ABCB1: variants seen among roughly 807,000 people sequenced by gnomAD.
ABCB1 encodes ATP-dependent translocase ABCB1.
Under a neutral mutation model 142.0 loss-of-function variants are expected in ABCB1, and 69 were observed. That is an observed-to-expected ratio of 0.49 (90% CI 0.40 to 0.59). ABCB1 has a LOEUF of 0.59. Among genes scored for constraint, ABCB1 ranks in the 20% least tolerant of loss-of-function variants. ABCB1 has a pLI of 0.00. For synonymous variants in ABCB1, 532 were observed against 539.2 expected (o/e 0.99, Z 0.18); for missense variants, 1,326 against 1,554.7 (o/e 0.85, Z 2.47).
At chr7:87,617,541 A>T (rs1820070330) in intron 1 of ABCB1, among the ~76,000 whole-genome samples, 3 of 152,246 alleles carry the variant, frequency 2.0e-5, no homozygotes, top group Admixed American at 2.0e-4. Flanking sequence ...GGCTCAGTAC[A>T]TGAGATTGCA....
chr7:87,531,884 C>T (rs1446010535), intron 20 of ABCB1, among the ~76,000 whole-genome samples: 4 of 151,972 alleles, frequency 2.6e-5, no homozygotes, highest in African/African-American at 7.3e-5. Context: ...TTAAGCCTAA[C>T]GTTTGTCATT....
chr7:87,555,527 AG>A (rs1278756896), intron 8 of ABCB1, among the ~76,000 whole-genome samples: 3 of 152,236 alleles, frequency 2.0e-5, no homozygotes, highest in African/African-American at 7.2e-5. Flanking sequence ...GGTACATTAC[AG>A]AGTTACAAAA....
chr7:87,660,746 T>G (rs1824619591), intron 1 of ABCB1, among the ~76,000 whole-genome samples: 1 of 152,018 alleles, frequency 6.6e-6, no homozygotes, highest in African/African-American at 2.4e-5. Flanking sequence ...GCTAAATTTA[T>G]GTTTGAGTAA....
rs1275479933 is a variant in ABCB1 at position 87,550,246 on chromosome 7, C to T, written c.1275G>A (p.Leu425=). 2 of 1,614,082 alleles carry T rather than the reference C, an allele frequency of 1.2e-6. No individual in the cohort carries two copies. Among genetic ancestry groups the T allele is most frequent in the African/African-American group, 1.3e-5 (1 of 74,914 alleles). The change falls in exon 12 of 28, where the codon CTG becomes CTA. Residue 425 remains leucine (L), a synonymous_variant. Transcript: ENST00000622132. ...TCTTCCCACAGCCACTGTTTCCAAC[C>T]AGGGCCACCGTCTGCCCACTCTGCA... The part of the protein sequence containing the change: ...LKVQSGQTVA[L]VGNSGCGKST...
chr7:87,530,499 A>G (rs1388607994), intron 21 of ABCB1, among the ~76,000 whole-genome samples: 5 of 152,148 alleles, frequency 3.3e-5, no homozygotes, highest in African/African-American at 1.2e-4. Context: ...GCTATAAGGA[A>G]TAAGACATTT....
At chr7:87,685,499 T>A (rs1404627376) in intron 1 of ABCB1, among the ~76,000 whole-genome samples, 1 of 149,508 alleles carries the variant, frequency 6.7e-6, no homozygotes, top group Non-Finnish European at 1.5e-5. Context: ...ACAAACTCAG[T>A]AATAAAAAGG....
intron 9 of ABCB1, among the ~76,000 whole-genome samples, chr7:87,551,650 C>T (rs28381894): frequency 0.017 from 2,349 of 140,904 alleles, 27 homozygotes; most frequent in Non-Finnish European, 0.028. Context: ...GCCACCATAT[C>T]TGGCTAATTA....
chr7:87,589,866 G>A (rs1304135468), intron 3 of ABCB1, among the ~76,000 whole-genome samples: 4 of 151,528 alleles, frequency 2.6e-5, no homozygotes, highest in Admixed American at 2.6e-4. Context: ...GAGAGAGAGA[G>A]AGAGAAAGAA....
At chr7:87,615,597 G>A (rs1820008147) in intron 1 of ABCB1, among the ~76,000 whole-genome samples, 1 of 152,206 alleles carries the variant, frequency 6.6e-6, no homozygotes, top group Non-Finnish European at 1.5e-5. Context: ...TGATCCAGGT[G>A]AGCCCAGGGG....
intron 1 of ABCB1, among the ~76,000 whole-genome samples, chr7:87,646,840 T>C (rs1823052594): frequency 6.6e-6 from 1 of 152,188 alleles, no homozygotes; most frequent in Non-Finnish European, 1.5e-5. Context: ...ATCTTTTTGT[T>C]TCTATCCATT....
rs551064822 is a variant in ABCB1 at position 87,579,711 on chromosome 7, T to C, written c.286+5801A>G. Among the ~76,000 whole-genome samples the C allele has an allele frequency of 2.8e-4, 43 of 152,296 alleles. 1 individual carries two copies. The highest frequency in any genetic ancestry group is 1.0e-3 in the African/African-American group (43 of 41,582). On this transcript the variant is annotated intron_variant, in intron 4 of 27. Transcript: ENST00000622132. The stretch of plus-strand genomic sequence containing the variant: ...CCATTTTGTTTGTTGTTTTTTGTGA[T>C]CTTCTCTTCCTTCTTTCGTTCTTTC...
At chr7:87,572,470 A>G (rs1023871266) in intron 4 of ABCB1, among the ~76,000 whole-genome samples, 2 of 152,202 alleles carry the variant, frequency 1.3e-5, no homozygotes, top group African/African-American at 4.8e-5. Flanking sequence ...AGCTTCAGCC[A>G]TCAAAATACA....
intron 8 of ABCB1, among the ~76,000 whole-genome samples, chr7:87,560,930 A>G (rs962954374): frequency 6.6e-6 from 1 of 152,216 alleles, no homozygotes; most frequent in African/African-American, 2.4e-5. Context: ...AAATGTCCCC[A>G]TAGATCTTAC....
chr7:87,628,017 G>A (rs1820775316), intron 1 of ABCB1, among the ~76,000 whole-genome samples: 1 of 152,338 alleles, frequency 6.6e-6, no homozygotes, highest in South Asian at 2.1e-4. Context: ...TTAGTACTTA[G>A]GCCCAAGGTC....
At chr7:87,534,740 C>T (rs1563039390) in intron 20 of ABCB1, among the ~76,000 whole-genome samples, 3 of 151,696 alleles carry the variant, frequency 2.0e-5, no homozygotes, top group Non-Finnish European at 4.4e-5. Flanking sequence ...CATAGGGAGA[C>T]CCTGTCTCTA....
chr7:87,587,798 C>G (rs543616305), intron 3 of ABCB1, among the ~76,000 whole-genome samples: 34 of 149,890 alleles, frequency 2.3e-4, no homozygotes, highest in African/African-American at 8.4e-4. Context: ...TGGTGTGAAC[C>G]TGGGAGGCGG....
chr7:87,511,312 A>C (rs551626203), intron 25 of ABCB1, among the ~76,000 whole-genome samples: 1 of 152,222 alleles, frequency 6.6e-6, no homozygotes, highest in Non-Finnish European at 1.5e-5. Context: ...AGAAGTGCTC[A>C]AAAAATCCTG....
chr7:87,539,440 A>G, intron 18 of ABCB1, 95 bp from the exon 19 acceptor site: 1 of 1,234,264 alleles, frequency 8.1e-7, no homozygotes, highest in Non-Finnish European at 1.2e-6. Flanking sequence ...GATCAGACAA[A>G]GTCAGAAAGC....
At chr7:87,553,510 C>T (rs1363985572) in intron 9 of ABCB1, among the ~76,000 whole-genome samples, 3 of 151,888 alleles carry the variant, frequency 2.0e-5, no homozygotes, top group African/African-American at 4.8e-5. Flanking sequence ...TTTGTAGAGA[C>T]GGGGTTTCAC....
Sources: allele counts gnomAD v4.1 joint callset (sites outside exome capture counted in the v4.1 genomes callset), GRCh38; gene constraint gnomAD v4.1.1; transcripts MANE v1.5; gene names NCBI Gene and HGNC (gene_info 2026-07-23, HGNC 2026-07-21).